Variants in AGBL3 observed in about 807,000 individuals in gnomAD.
AGBL3 encodes cytosolic carboxypeptidase 3.
A neutral mutation model predicts 94.5 loss-of-function variants in AGBL3; 68 were observed. That is an observed-to-expected ratio of 0.72 (90% CI 0.59 to 0.88). The LOEUF (loss-of-function observed/expected upper bound fraction) is 0.88, where lower values mean the gene tolerates loss of function less well. Ranked by LOEUF, AGBL3 falls within the 40% of genes least tolerant of loss-of-function variation. The probability of loss-of-function intolerance (pLI) is 0.00; values close to 1 mark genes in which losing one functional copy is unlikely to be tolerated. For synonymous variants in AGBL3, 354 were observed against 370.7 expected, an observed-to-expected ratio of 0.95 and a Z score of 0.52; for missense variants, 934 against 1,103.8, an observed-to-expected ratio of 0.85 and a Z score of 2.18.
At chr7:135,077,177 C>CT (rs1444142505) in intron 13 of AGBL3, among the ~76,000 whole-genome samples, 1 of 151,944 alleles carries the variant, frequency 6.6e-6, no homozygotes, top group Non-Finnish European at 1.5e-5. Flanking sequence ...TTATTCTTCC[C>CT]CCTGCTGTCT....
chr7:135,030,507 C>T (rs1815614832), intron 5 of AGBL3, among the ~76,000 whole-genome samples: 1 of 152,118 alleles, frequency 6.6e-6, no homozygotes, highest in South Asian at 2.1e-4. Context: ...GTCTTTTTCT[C>T]TTTGGCTGTC....
At chr7:135,131,517 T>G (rs1828770609) in intron 16 of AGBL3, among the ~76,000 whole-genome samples, 1 of 151,710 alleles carries the variant, frequency 6.6e-6, no homozygotes, top group Non-Finnish European at 1.5e-5. Context: ...GAAATGAAAC[T>G]ATAATATATT....
At chr7:135,017,359 T>C (rs577166076) in intron 5 of AGBL3, among the ~76,000 whole-genome samples, 200 bp downstream of exon 5, 8 of 152,358 alleles carry the variant, frequency 5.3e-5, no homozygotes, top group Admixed American at 2.0e-4. Context: ...TTATGCAAAG[T>C]TACTTTAAAA....
At chr7:135,109,302 G>A (rs537787511) in intron 15 of AGBL3, among the ~76,000 whole-genome samples, 6 of 152,208 alleles carry the variant, frequency 3.9e-5, no homozygotes, top group Admixed American at 1.3e-4. Context: ...GAGGCAGCAC[G>A]GGTGAGGGCT....
At chr7:134,989,415 A>AT (rs1809928259) in intron 3 of AGBL3, 105 bp downstream of exon 3, 1 of 760,168 alleles carries the variant, frequency 1.3e-6, no homozygotes, top group Non-Finnish European at 2.0e-6. Flanking sequence ...GGGAATGATT[A>AT]TTCTAGTAGA....
At chr7:135,041,258 T>G (rs935143942) in intron 8 of AGBL3, among the ~76,000 whole-genome samples, 7 of 152,084 alleles carry the variant, frequency 4.6e-5, no homozygotes, top group Non-Finnish European at 8.8e-5. Flanking sequence ...TTTATAGATA[T>G]AAACAGGCTG....
chr7:135,039,135 G>T (rs574180841), intron 8 of AGBL3, among the ~76,000 whole-genome samples: 1 of 152,136 alleles, frequency 6.6e-6, no homozygotes, highest in East Asian at 1.9e-4. Context: ...AATGCACATG[G>T]AACACCACCA....
intron 5 of AGBL3, among the ~76,000 whole-genome samples, chr7:135,017,768 T>C (rs1013398642): frequency 1.3e-5 from 2 of 152,172 alleles, no homozygotes; most frequent in Non-Finnish European, 2.9e-5. Flanking sequence ...TTTAAGGAAC[T>C]AGCAAGACAA....
rs148698786 is a variant in AGBL3 at position 135,096,887 on chromosome 7, C to A, written c.2110+15097C>A. ...AAGATACGCAAAATAGAGCATATGACAAAATATGCAGAAAAGAATTTGGGA... is the reference window on the plus strand; with the variant it reads ...AAGATACGCAAAATAGAGCATATGAAAAAATATGCAGAAAAGAATTTGGGA... On this transcript the variant is annotated intron_variant, in intron 15 of 16. Coordinates refer to ENST00000436302, the MANE Select transcript of AGBL3 (RefSeq NM_178563.4). Among the ~76,000 whole-genome samples, 427 of 151,928 alleles carry A rather than the reference C, an allele frequency of 2.8e-3. 1 individual carries two copies. The highest frequency in any genetic ancestry group is 9.6e-3 in the African/African-American group (400 of 41,452).
At chr7:135,014,221 A>T (rs968492139) in intron 4 of AGBL3, among the ~76,000 whole-genome samples, 1 of 92,888 alleles carries the variant, frequency 1.1e-5, no homozygotes, top group African/African-American at 3.5e-5. Context: ...AAAAAAAAAA[A>T]AAAAAACCCG....
intron 11 of AGBL3, among the ~76,000 whole-genome samples, chr7:135,053,265 C>T (rs938454149): frequency 8.5e-5 from 13 of 152,060 alleles, no homozygotes; most frequent in Middle Eastern, 3.2e-3. Context: ...ATAATGAGTG[C>T]TAATTCTGAG....
At chr7:135,068,199 A>G (rs1169267110) in intron 12 of AGBL3, among the ~76,000 whole-genome samples, 1 of 152,232 alleles carries the variant, frequency 6.6e-6, no homozygotes, top group Non-Finnish European at 1.5e-5. Flanking sequence ...AATAATAAAA[A>G]GAAACCAACA....
intron 4 of AGBL3, chr7:135,012,046 T>G (rs1040230168): frequency 5.9e-5 from 9 of 152,198 alleles, no homozygotes; most frequent in Non-Finnish European, 7.4e-5. Flanking sequence ...TGATAAATTG[T>G]AACATTTTGT....
chr7:135,015,243 G>T (rs10954478), intron 4 of AGBL3, among the ~76,000 whole-genome samples: 12 of 151,150 alleles, frequency 7.9e-5, no homozygotes, highest in African/African-American at 2.5e-4. Context: ...CTTAAACAAC[G>T]CTTGCTCGAG....
At chr7:135,034,965 G>A (rs1387704021) in intron 7 of AGBL3, 37 bp downstream of exon 7, 7 of 1,434,436 alleles carry the variant, frequency 4.9e-6, no homozygotes, top group Non-Finnish European at 5.5e-6. Context: ...TGCTTATTTA[G>A]TAAACTTGGT....
chr7:135,009,954 T>C lies in AGBL3; in HGVS notation c.311-7098T>C, dbSNP rs115020685. 276 of 417,338 alleles carry C rather than the reference T, an allele frequency of 6.6e-4. 1 individual carries two copies. The highest frequency in any genetic ancestry group is 5.6e-3 in the African/African-American group (264 of 46,822). The allele number at this position is 417,338 out of a possible 1,614,324, so 25.9% of individuals were successfully genotyped here. On this transcript the variant is annotated intron_variant, in intron 4 of 16. Coordinates refer to ENST00000436302, the MANE Select transcript of AGBL3 (RefSeq NM_178563.4). ...GGTTGCCCTGCAACCTCTTCTATGG[T>C]GGGTTGGCGAAAAGTCATTAATTTG... is the stretch of plus-strand genomic sequence containing the variant.
intron 7 of AGBL3, among the ~76,000 whole-genome samples, chr7:135,035,287 C>T (rs2116458811): frequency 6.6e-6 from 1 of 151,872 alleles, no homozygotes; most frequent in East Asian, 1.9e-4. Flanking sequence ...ATTTTATATA[C>T]ATGAAACCGT....
intron 3 of AGBL3, among the ~76,000 whole-genome samples, 177 bp from the exon 4 acceptor site, chr7:134,993,316 T>C (rs1810540359): frequency 6.6e-6 from 1 of 152,164 alleles, no homozygotes; most frequent in Admixed American, 6.5e-5. Flanking sequence ...ACTGTGAAGA[T>C]CAATCATCAC....
In AGBL3 at chr7:134,987,980, G is replaced by T. The variant is rs1467377076; in HGVS notation, c.47G>T (p.Ser16Ile). The T allele has an allele frequency of 6.5e-7, 1 of 1,544,894 alleles. No homozygotes were observed. Among genetic ancestry groups the T allele is most frequent in the Admixed American group, 2.0e-5 (1 of 49,876 alleles). Residue 16 changes from serine (S) to isoleucine (I), a missense_variant, in exon 2 of 17, where the codon AGT becomes ATT. This residue lies in a region of AGBL3 where 488 missense variants were observed against 563.6 expected (regional missense o/e 0.87). Transcript: ENST00000436302. ...EKEDYSDRTI[S>I]DEDESDEDMF... Reference sequence around the variant, plus strand: ...GAAGACTATTCAGACAGAACAATCAGTGATGAAGATGAATCGGTATGTTTT... The same window carrying T: ...GAAGACTATTCAGACAGAACAATCATTGATGAAGATGAATCGGTATGTTTT...
Sources: gnomAD v4.1 joint callset for allele counts (sites outside exome capture counted in the v4.1 genomes callset) on GRCh38, gnomAD v4.1.1 for gene constraint, gnomAD v4.1.1 regional missense constraint, MANE v1.5 for transcripts, NCBI Gene and HGNC (gene_info 2026-07-23, HGNC 2026-07-21) for gene names.